EPB41L5: variants seen among roughly 807,000 people sequenced by gnomAD.
EPB41L5 encodes the protein erythrocyte membrane protein band 4.1 like 5.
EPB41L5 carries 55 observed loss-of-function variants against 106.6 expected under a neutral mutation model. The ratio of observed to expected loss-of-function variants is 0.52; its 90% CI spans 0.42 to 0.65. The LOEUF (loss-of-function observed/expected upper bound fraction) is 0.65. Among genes scored for constraint, EPB41L5 ranks in the 30% least tolerant of loss-of-function variants. EPB41L5 has a pLI of 0.00. For synonymous variants in EPB41L5, 297 were observed against 306.7 expected (o/e 0.97, Z 0.33); for missense variants, 871 against 882.1 (o/e 0.99, Z 0.16).
chr2:120,172,963 G>T (rs1687749956), intron 24 of EPB41L5, among the ~76,000 whole-genome samples: 1 of 152,108 alleles, frequency 6.6e-6, no homozygotes, highest in Non-Finnish European at 1.5e-5. Flanking sequence ...TGAGAGATTT[G>T]TATAGAAAAC....
At chr2:120,045,319 A>G (rs183255512) in intron 3 of EPB41L5, among the ~76,000 whole-genome samples, 195 of 152,302 alleles carry the variant, frequency 1.3e-3, no homozygotes, top group Non-Finnish European at 2.0e-3. Flanking sequence ...TTTACTTTTT[A>G]TTAGACTGGG....
chr2:120,041,538 C>T (rs914812406), intron 2 of EPB41L5, among the ~76,000 whole-genome samples: 2 of 152,136 alleles, frequency 1.3e-5, no homozygotes. Flanking sequence ...CAGTTTGATT[C>T]TTCTGCATCA....
intron 16 of EPB41L5, among the ~76,000 whole-genome samples, chr2:120,119,305 G>T (rs371377284): frequency 2.6e-5 from 4 of 151,136 alleles, no homozygotes; most frequent in African/African-American, 4.9e-5. Flanking sequence ...GTTTTTTTTT[G>T]TTTGTCTTTG....
chr2:120,123,674 T>TG (rs67398801), intron 16 of EPB41L5, among the ~76,000 whole-genome samples: 1 of 140,934 alleles, frequency 7.1e-6, no homozygotes, highest in Non-Finnish European at 1.5e-5. Flanking sequence ...TTTTTTTTTT[T>TG]GATACAGGGT....
rs750224227 is a variant in EPB41L5 at position 120,167,533 on chromosome 2, T to C, written c.2004+26T>C. 114 of 1,612,286 alleles carry C rather than the reference T, an allele frequency of 7.1e-5. 1 individual carries two copies. In the Middle Eastern group the frequency reaches 9.9e-4, roughly 14 times the overall value. ...GTAAGTTCATGTTATTTGTGATTTT[T>C]CTTCTGGCTACCCTTTCAGGGTAAG... On this transcript the variant is annotated intron_variant, in intron 23 of 24. Transcript: ENST00000263713.
chr2:120,102,416 GC>G (rs1421806287), intron 16 of EPB41L5, among the ~76,000 whole-genome samples: 4 of 152,078 alleles, frequency 2.6e-5, no homozygotes, highest in African/African-American at 7.2e-5. Context: ...AACATAATAA[GC>G]CTCAGTGTAG....
At chr2:120,150,749 CAATTCTT>C (rs1686635697) in intron 20 of EPB41L5, among the ~76,000 whole-genome samples, 1 of 151,884 alleles carries the variant, frequency 6.6e-6, no homozygotes, top group Non-Finnish European at 1.5e-5. Flanking sequence ...GATTGAATAT[CAATTCTT>C]AATACTAGAC....
At chr2:120,166,992 A>G (rs1687443022) in intron 22 of EPB41L5, among the ~76,000 whole-genome samples, 1 of 152,204 alleles carries the variant, frequency 6.6e-6, no homozygotes, top group Non-Finnish European at 1.5e-5. Context: ...TGCATACATG[A>G]TAATTAGAGA....
intron 3 of EPB41L5, among the ~76,000 whole-genome samples, chr2:120,070,615 G>T (rs184192332): frequency 6.6e-6 from 1 of 152,160 alleles, no homozygotes. Flanking sequence ...TGAATCCAGC[G>T]GCACATCAGA....
chr2:120,169,052 TAAAA>T (rs1687547056), intron 24 of EPB41L5, among the ~76,000 whole-genome samples: 1 of 152,182 alleles, frequency 6.6e-6, no homozygotes, highest in Non-Finnish European at 1.5e-5. Flanking sequence ...ACTTTCACAT[TAAAA>T]ATTACAGATG....
At chr2:120,049,990 C>T (rs1265108379) in intron 3 of EPB41L5, among the ~76,000 whole-genome samples, 2 of 152,158 alleles carry the variant, frequency 1.3e-5, no homozygotes, top group African/African-American at 2.4e-5. Context: ...TGAATATTGG[C>T]CCCCACTGTC....
rs200730764 is a variant in EPB41L5, at chr2:120,093,960, CTTTTCTTCTCT to C, written c.1178+689_1178+699del. ...CTTATGAGAGATCTGTTCAGATTTT[CTTTTCTTCTCT>C]TTTTTTTTGTTGGGGTGGGGGTAGG... On this transcript the variant is annotated intron_variant, in intron 14 of 24. Transcript: ENST00000263713. 2.0e-3 allele frequency among the ~76,000 whole-genome samples: 299 copies of C among 152,016 alleles called. 5 individuals are homozygous for C. In the East Asian group the frequency reaches 0.045, roughly 23 times the overall value.
intron 18 of EPB41L5, among the ~76,000 whole-genome samples, chr2:120,142,113 TAAAAAAAA>T (rs59204598): frequency 4.2e-5 from 6 of 143,192 alleles, no homozygotes; most frequent in African/African-American, 1.3e-4. Context: ...CTTTCTTTTT[TAAAAAAAA>T]AAAAAAAAAA....
At chr2:120,159,353 G>T (rs1236614597) in intron 20 of EPB41L5, among the ~76,000 whole-genome samples, 1 of 149,448 alleles carries the variant, frequency 6.7e-6, no homozygotes, top group Non-Finnish European at 1.5e-5. Context: ...AACCTGGGAG[G>T]TGGAGCTTGC....
intron 3 of EPB41L5, among the ~76,000 whole-genome samples, chr2:120,071,993 A>G (rs1007988795): frequency 6.6e-6 from 1 of 152,228 alleles, no homozygotes; most frequent in Non-Finnish European, 1.5e-5. Flanking sequence ...CGAACAGGCA[A>G]TGTACAAAAT....
At chr2:120,170,253 A>G (rs1327898130) in intron 24 of EPB41L5, among the ~76,000 whole-genome samples, 1 of 152,264 alleles carries the variant, frequency 6.6e-6, no homozygotes, top group African/African-American at 2.4e-5. Context: ...CTGTGCAACA[A>G]CTTACCACAA....
At chr2:120,105,157 A>C in intron 16 of EPB41L5, 1 of 978,882 alleles carries the variant, frequency 1.0e-6, no homozygotes, top group Non-Finnish European at 1.2e-6. Context: ...TCCTTTTTAA[A>C]CTTTAGAATT....
rs569470284 is a variant in EPB41L5, at chr2:120,050,613, T to G, written c.285+8503T>G. 4.7e-3 allele frequency among the ~76,000 whole-genome samples: 719 copies of G among 152,340 alleles called. 5 individuals carry two copies. The highest frequency in any genetic ancestry group is 7.7e-3 in the African/African-American group (319 of 41,578). The stretch of plus-strand genomic sequence containing the variant: ...TTGTGATGGGTTCGAACATCCTCCT[T>G]TAGCTCGGAGAAGTTTGATCGTCTG... On this transcript the variant is annotated intron_variant, in intron 3 of 24. Coordinates refer to ENST00000263713, the MANE Select transcript of EPB41L5 (RefSeq NM_020909.4).
At chr2:120,090,035 CTGATA>C (rs1683306371) in intron 11 of EPB41L5, among the ~76,000 whole-genome samples, 1 of 151,844 alleles carries the variant, frequency 6.6e-6, no homozygotes, top group African/African-American at 2.4e-5. Context: ...ACTGCCAGAT[CTGATA>C]TGATTCCTCA....
Sources: gnomAD v4.1 joint callset for allele counts (sites outside exome capture counted in the v4.1 genomes callset) on GRCh38, gnomAD v4.1.1 for gene constraint, MANE v1.5 for transcripts, NCBI Gene and HGNC (gene_info 2026-07-23, HGNC 2026-07-21) for gene names.